Variants in VPS13B observed in about 807,000 individuals in gnomAD.
VPS13B encodes vacuolar protein sorting 13 homolog B.
In VPS13B, 285 loss-of-function variants were observed where a neutral mutation model predicts 426.4. The ratio of observed to expected loss-of-function variants is 0.67; its 90% confidence interval spans 0.61 to 0.74. VPS13B has a LOEUF of 0.74. Ranked by LOEUF, VPS13B falls within the 30% of genes least tolerant of loss-of-function variation. VPS13B has a pLI of 0.00. For synonymous variants in VPS13B, 1,676 were observed against 1,676.4 expected, an observed-to-expected ratio of 1.00 and a Z score of 0.01; for missense variants, 4,537 against 4,782.6, an observed-to-expected ratio of 0.95 and a Z score of 1.51.
At chr8:99,822,235 T>G (rs1020181546) in intron 50 of VPS13B, among the ~76,000 whole-genome samples, 1 of 152,242 alleles carries the variant, frequency 6.6e-6, no homozygotes, top group African/African-American at 2.4e-5. Context: ...GAATTCAGAT[T>G]GACCTTTTTC....
intron 21 of VPS13B, among the ~76,000 whole-genome samples, chr8:99,404,268 G>C (rs1264978385): frequency 6.6e-6 from 1 of 152,164 alleles, no homozygotes; most frequent in African/African-American, 2.4e-5. Flanking sequence ...AGTTATTCTA[G>C]TTTTTACACA....
At chr8:99,137,992 C>T (rs1183982790) in intron 12 of VPS13B, among the ~76,000 whole-genome samples, 1 of 152,140 alleles carries the variant, frequency 6.6e-6, no homozygotes, top group Non-Finnish European at 1.5e-5. Context: ...CTTCTTGTTG[C>T]TCAAGCCAGA....
At chr8:99,662,948 C>T (rs755254492) in intron 35 of VPS13B, among the ~76,000 whole-genome samples, 14 of 152,132 alleles carry the variant, frequency 9.2e-5, no homozygotes, top group Non-Finnish European at 1.9e-4. Flanking sequence ...GTTCCAGCTA[C>T]TCTGGAGGCT....
At chr8:99,181,818 AT>A (rs1240747703) in intron 16 of VPS13B, among the ~76,000 whole-genome samples, 1 of 152,098 alleles carries the variant, frequency 6.6e-6, no homozygotes, top group Non-Finnish European at 1.5e-5. Flanking sequence ...CTATTAATAA[AT>A]TTATAAACTT....
At chr8:99,368,670 A>T (rs904392208) in intron 19 of VPS13B, among the ~76,000 whole-genome samples, 1 of 152,188 alleles carries the variant, frequency 6.6e-6, no homozygotes, top group African/African-American at 2.4e-5. Flanking sequence ...AAATAATTTT[A>T]AAAATAGTGG....
chr8:99,757,112 C>T (rs528964901), intron 39 of VPS13B, among the ~76,000 whole-genome samples: 13 of 152,282 alleles, frequency 8.5e-5, no homozygotes, highest in East Asian at 7.7e-4. Context: ...ATCAAAACAC[C>T]GATGATGGTA....
intron 23 of VPS13B, 104 bp from the exon 24 acceptor site, chr8:99,467,310 A>G (rs1819162459): frequency 8.6e-7 from 1 of 1,158,272 alleles, no homozygotes; most frequent in African/African-American, 1.5e-5. Flanking sequence ...TTTATGATGC[A>G]GTATTAGTCA....
intron 43 of VPS13B, among the ~76,000 whole-genome samples, chr8:99,788,253 A>G (rs1459897433): frequency 6.6e-6 from 1 of 151,572 alleles, no homozygotes; most frequent in African/African-American, 2.4e-5. Context: ...AAAAATCTCC[A>G]CAAAAAAATT....
At chr8:99,520,861 T>A (rs1424696877) in intron 29 of VPS13B, 38 bp from the exon 30 acceptor site, 2 of 1,537,886 alleles carry the variant, frequency 1.3e-6, no homozygotes, top group Admixed American at 1.7e-5. Flanking sequence ...TATGTACAGA[T>A]CCACAGTGTA....
At chr8:99,700,694 A>G (rs1352384553) in intron 36 of VPS13B, among the ~76,000 whole-genome samples, 2 of 152,236 alleles carry the variant, frequency 1.3e-5, no homozygotes, top group Non-Finnish European at 2.9e-5. Context: ...TTCTGTTACC[A>G]TGACTAAATT....
At chr8:99,760,316 C>A (rs909927697) in intron 39 of VPS13B, among the ~76,000 whole-genome samples, 2 of 152,076 alleles carry the variant, frequency 1.3e-5, no homozygotes, top group Non-Finnish European at 1.5e-5. Context: ...TCTATAGTAT[C>A]CAAAATCTTT....
chr8:99,409,689 A>G (rs957593332), intron 21 of VPS13B, among the ~76,000 whole-genome samples: 2 of 152,216 alleles, frequency 1.3e-5, no homozygotes, highest in African/African-American at 4.8e-5. Context: ...AGGAAAAACA[A>G]TTAAATGCAG....
intron 2 of VPS13B, among the ~76,000 whole-genome samples, chr8:99,030,557 C>G (rs1347852997): frequency 6.6e-6 from 1 of 151,836 alleles, no homozygotes; most frequent in African/African-American, 2.4e-5. Flanking sequence ...TCTGGATAGG[C>G]TTCAGCCACC....
intron 31 of VPS13B, among the ~76,000 whole-genome samples, chr8:99,558,153 C>T (rs1824690338): frequency 6.6e-6 from 1 of 152,154 alleles, no homozygotes; most frequent in African/African-American, 2.4e-5. Context: ...ACGCTTATCA[C>T]TTTACCCAGT....
At chr8:99,334,095 T>C (rs1268588721) in intron 19 of VPS13B, among the ~76,000 whole-genome samples, 2 of 151,942 alleles carry the variant, frequency 1.3e-5, no homozygotes, top group African/African-American at 4.8e-5. Context: ...GAAGTGGAAT[T>C]GTTACTATAA....
chr8:99,057,280 C>T (rs538944947), intron 3 of VPS13B, among the ~76,000 whole-genome samples: 35 of 152,082 alleles, frequency 2.3e-4, no homozygotes, highest in Admixed American at 1.8e-3. Context: ...TCCATGATGC[C>T]GTTGTAAGCA....
chr8:99,090,568 T>C (rs1026905014), intron 3 of VPS13B, among the ~76,000 whole-genome samples: 39 of 152,272 alleles, frequency 2.6e-4, no homozygotes, highest in Admixed American at 2.2e-3. Flanking sequence ...CTGGCCTGAT[T>C]AACTCTTAAA....
chr8:99,159,330 G>A (rs1370401704), intron 15 of VPS13B, among the ~76,000 whole-genome samples: 1 of 152,192 alleles, frequency 6.6e-6, no homozygotes, highest in South Asian at 2.1e-4. Flanking sequence ...TGATTACAGA[G>A]AATTTAAAAA....
chr8:99,275,108 C>G lies in VPS13B; in HGVS notation c.2678C>G (p.Pro893Arg). ...PVDSGKEKLI[P>R]LLQGPSDTKD... ...GATAGTGGAAAAGAGAAGTTGATTC[C>G]CTTGCTTCAGGGTCCTTCTGACACT... Residue 893 changes from proline (P) to arginine (R), a missense_variant, in exon 19 of 62, where the codon CCC (proline) becomes CGC (arginine). Transcript: ENST00000357162. The G allele has an allele frequency of 6.2e-7, 1 of 1,603,342 alleles. No individual in the cohort carries two copies. Among genetic ancestry groups the G allele is most frequent in the Non-Finnish European group, 8.5e-7 (1 of 1,175,470 alleles).
Sources: allele counts gnomAD v4.1 joint callset (sites outside exome capture counted in the v4.1 genomes callset), GRCh38; gene constraint gnomAD v4.1.1; transcripts MANE v1.5; gene names NCBI Gene and HGNC (gene_info 2026-07-23, HGNC 2026-07-21).